FANCB: variants seen among roughly 807,000 people sequenced by gnomAD.
The protein encoded by FANCB is Fanconi anemia group B protein.
In FANCB, 5 loss-of-function variants were observed where a neutral mutation model predicts 38.9. That is an observed-to-expected ratio of 0.13 (90% confidence interval 0.07 to 0.27). FANCB has a LOEUF of 0.27. Ranked by LOEUF, FANCB falls within the 10% of genes least tolerant of loss-of-function variation. FANCB has a pLI of 1.00. For missense variants in FANCB, 573 were observed against 602.7 expected, an observed-to-expected ratio of 0.95 and a Z score of 0.52; for synonymous variants, 236 against 215.4, an observed-to-expected ratio of 1.10 and a Z score of -0.84.
the FANCB span, among the ~76,000 whole-genome samples, chrX:14,786,246 T>C: frequency 2.7e-5 from 3 of 111,576 alleles, no homozygotes; most frequent in East Asian, 5.7e-4. Context: ...TGCTGAGAGC[T>C]GTCAGCCAGC....
the FANCB span, among the ~76,000 whole-genome samples, chrX:14,797,230 T>C: frequency 8.9e-6 from 1 of 111,948 alleles, no homozygotes. Context: ...CTTTGCAAGG[T>C]AGGACTCTTC....
the FANCB span, among the ~76,000 whole-genome samples, chrX:14,699,651 A>G: frequency 3.8e-4 from 43 of 111,856 alleles, no homozygotes; most frequent in African/African-American, 1.4e-3. Context: ...ACTGTGCAAT[A>G]GAAGACCAGA....
chrX:14,835,136 C>A, downstream of FANCB: 1 of 538,258 alleles, frequency 1.9e-6, no homozygotes, highest in Non-Finnish European at 3.4e-6. Context: ...TTCATTGCCT[C>A]TTCTTCAACA....
the FANCB span, among the ~76,000 whole-genome samples, chrX:14,800,962 CTT>C: frequency 9.0e-6 from 1 of 111,461 alleles, no homozygotes; most frequent in Admixed American, 9.6e-5. Context: ...TCTGCTTGGG[CTT>C]TGTTTACATG....
At chrX:14,701,179 G>A in the FANCB span, among the ~76,000 whole-genome samples, 2 of 110,896 alleles carry the variant, frequency 1.8e-5, no homozygotes, top group South Asian at 7.8e-4. Flanking sequence ...TTTGTGAATT[G>A]CGAAATACAT....
chrX:14,690,675 CTCTG>C, the FANCB span: 25 of 942,098 alleles, frequency 2.7e-5, no homozygotes, highest in Non-Finnish European at 3.8e-5. Flanking sequence ...CTCTCTCTCT[CTCTG>C]TGTGTGTGTG....
chrX:14,733,752 T>C, the FANCB span, among the ~76,000 whole-genome samples: 2 of 111,915 alleles, frequency 1.8e-5, no homozygotes. Flanking sequence ...CTTATCAGCA[T>C]AAGGAGATTT....
the FANCB span, among the ~76,000 whole-genome samples, chrX:14,762,722 T>C: frequency 8.9e-6 from 1 of 111,905 alleles, no homozygotes; most frequent in African/African-American, 3.2e-5. Flanking sequence ...TGCAAGGTCC[T>C]TTACTTCAGA....
At chrX:14,786,648 T>C in the FANCB span, among the ~76,000 whole-genome samples, 1 of 111,670 alleles carries the variant, frequency 9.0e-6, no homozygotes, top group Non-Finnish European at 1.9e-5. Flanking sequence ...AAATTTTCCA[T>C]GTCTGCAATA....
At chrX:14,740,535 T>C in the FANCB span, among the ~76,000 whole-genome samples, 2 of 112,168 alleles carry the variant, frequency 1.8e-5, no homozygotes, top group Middle Eastern at 9.2e-3. Flanking sequence ...GCAAAAGTTT[T>C]CTTTAAACAG....
At chrX:14,767,885 T>C in the FANCB span, among the ~76,000 whole-genome samples, 6 of 112,278 alleles carry the variant, frequency 5.3e-5, no homozygotes, top group Non-Finnish European at 1.1e-4. Context: ...AGGAGTCCAG[T>C]TTCAGTTTTC....
chrX:14,860,213 T>G (rs972073944), intron 3 of FANCB, among the ~76,000 whole-genome samples: 2 of 111,776 alleles, frequency 1.8e-5, no homozygotes, highest in South Asian at 7.5e-4. Flanking sequence ...AGATACATCA[T>G]CTAGATGATA....
At chrX:14,717,988 C>T in the FANCB span, among the ~76,000 whole-genome samples, 4 of 110,814 alleles carry the variant, frequency 3.6e-5, no homozygotes, top group African/African-American at 9.8e-5. Flanking sequence ...TCGTCGGGTA[C>T]GACATTGGTT....
At chrX:14,819,678 G>A in the FANCB span, among the ~76,000 whole-genome samples, 1 of 112,188 alleles carries the variant, frequency 8.9e-6, no homozygotes, top group Non-Finnish European at 1.9e-5. Context: ...GTGAAGTACT[G>A]TGAAGATCTG....
chrX:14,719,808 C>T, the FANCB span, among the ~76,000 whole-genome samples: 7 of 111,976 alleles, frequency 6.3e-5, no homozygotes, highest in Non-Finnish European at 1.1e-4. Context: ...ACATATCCAT[C>T]AACAGATAAA....
the FANCB span, among the ~76,000 whole-genome samples, chrX:14,744,507 C>T: frequency 8.9e-6 from 1 of 112,022 alleles, no homozygotes. Flanking sequence ...TCAACCCTTT[C>T]TCTGTGTGTA....
the FANCB span, among the ~76,000 whole-genome samples, chrX:14,708,095 G>A: frequency 9.1e-6 from 1 of 109,883 alleles, no homozygotes; most frequent in Non-Finnish European, 1.9e-5. Context: ...TAGTCACATT[G>A]TTGTACATTA....
intron 10 of FANCB, among the ~76,000 whole-genome samples, chrX:14,837,073 A>G (rs2092343191): frequency 8.9e-6 from 1 of 112,423 alleles, no homozygotes; most frequent in Non-Finnish European, 1.9e-5. Context: ...ATTCCCTTCT[A>G]CTTTGTACAC....
the FANCB span, among the ~76,000 whole-genome samples, chrX:14,758,816 T>A: frequency 9.0e-6 from 1 of 111,130 alleles, no homozygotes; most frequent in African/African-American, 3.3e-5. Context: ...CAAAACAAAG[T>A]TCTTTAGCAC....
Sources: gnomAD v4.1 joint callset for allele counts (sites outside exome capture counted in the v4.1 genomes callset) on GRCh38, gnomAD v4.1.1 for gene constraint, MANE v1.5 for transcripts, NCBI Gene and HGNC (gene_info 2026-07-23, HGNC 2026-07-21) for gene names.